The following SUGCT variants were observed in gnomAD, a reference collection of about 807,000 sequenced individuals.
The protein encoded by SUGCT is succinyl-CoA:glutarate CoA-transferase.
SUGCT carries 41 observed loss-of-function variants against 55.0 expected under a neutral mutation model. That is an observed-to-expected ratio of 0.74 (90% CI 0.58 to 0.97). The LOEUF (loss-of-function observed/expected upper bound fraction) is 0.97, where lower values mean the gene tolerates loss of function less well. SUGCT is among the 50% of genes least tolerant of loss of function. SUGCT has a pLI of 0.00. For missense variants in SUGCT, 568 were observed against 547.8 expected (o/e 1.04, Z -0.37); for synonymous variants, 187 against 200.4 (o/e 0.93, Z 0.56).
At chr7:40,480,513 A>G (rs1392065026) in intron 11 of SUGCT, among the ~76,000 whole-genome samples, 1 of 152,130 alleles carries the variant, frequency 6.6e-6, no homozygotes, top group Non-Finnish European at 1.5e-5. Context: ...TCATAGTTCC[A>G]TATAAATACT....
chr7:40,248,910 G>A (rs4720356), intron 7 of SUGCT, among the ~76,000 whole-genome samples: 120,656 of 143,154 alleles, frequency 0.84, 49,651 homozygotes, highest in Non-Finnish European at 0.9. Flanking sequence ...ACACACACAC[G>A]CACACACACA....
chr7:40,842,812 A>G (rs1793342906), intron 13 of SUGCT, among the ~76,000 whole-genome samples: 1 of 152,196 alleles, frequency 6.6e-6, no homozygotes, highest in Admixed American at 6.5e-5. Flanking sequence ...TGGGTAACAT[A>G]CATGCAAGTT....
intron 13 of SUGCT, among the ~76,000 whole-genome samples, chr7:40,835,859 A>T (rs17714442): frequency 0.19 from 28,297 of 151,646 alleles, 3,747 homozygotes; most frequent in East Asian, 0.7. Context: ...ATTTGGAGGA[A>T]ATCATTAGTA....
At chr7:40,666,386 G>GGAAGGAAGGAAGGAAGGAAGGAAGGAAA in intron 12 of SUGCT, among the ~76,000 whole-genome samples, 2 of 141,842 alleles carry the variant, frequency 1.4e-5, no homozygotes, top group African/African-American at 5.2e-5. Flanking sequence ...AAGGAAGGAA[G>GGAAGGAAGGAAGGAAGGAAGGAAGGAAA]GAAGGAAAGA....
chr7:40,862,328 G>A (rs894501785), downstream of SUGCT, among the ~76,000 whole-genome samples: 1 of 152,142 alleles, frequency 6.6e-6, no homozygotes, highest in African/African-American at 2.4e-5. Flanking sequence ...ACCTACGCAA[G>A]TCAAAATGAT....
At chr7:40,833,593 A>G (rs1185406943) in intron 13 of SUGCT, among the ~76,000 whole-genome samples, 15 of 152,250 alleles carry the variant, frequency 9.9e-5, no homozygotes, top group Admixed American at 9.8e-4. Context: ...ATTAAAAATA[A>G]TTAGGTCCTG....
intron 9 of SUGCT, among the ~76,000 whole-genome samples, chr7:40,352,131 C>G (rs112033220): frequency 6.6e-6 from 1 of 152,042 alleles, no homozygotes; most frequent in Admixed American, 6.5e-5. Flanking sequence ...GACCACATCT[C>G]GATCTGTCTG....
chr7:40,466,070 A>G (rs1282247670), intron 11 of SUGCT, among the ~76,000 whole-genome samples: 1 of 151,960 alleles, frequency 6.6e-6, no homozygotes, highest in Non-Finnish European at 1.5e-5. Flanking sequence ...ATTTTTTTTA[A>G]AAAGATAGTT....
chr7:40,276,336 A>G (rs974333713), intron 8 of SUGCT, among the ~76,000 whole-genome samples: 1 of 152,186 alleles, frequency 6.6e-6, no homozygotes, highest in African/African-American at 2.4e-5. Flanking sequence ...AAGCAACTGC[A>G]TAAAAGTTGC....
the SUGCT span, among the ~76,000 whole-genome samples, chr7:40,968,482 G>A: frequency 6.6e-6 from 1 of 152,216 alleles, no homozygotes. Context: ...TCAGTGGACA[G>A]GTCCAGCACT....
At chr7:40,370,577 A>G (rs1337196496) in intron 9 of SUGCT, among the ~76,000 whole-genome samples, 1 of 143,124 alleles carries the variant, frequency 7.0e-6, no homozygotes, top group Admixed American at 7.0e-5. Context: ...AGAGAGAGAG[A>G]AGAGAGAGAG....
intron 12 of SUGCT, among the ~76,000 whole-genome samples, chr7:40,509,917 C>T (rs111746802): frequency 6.6e-6 from 1 of 152,136 alleles, no homozygotes; most frequent in African/African-American, 2.4e-5. Flanking sequence ...TACCCGCAAC[C>T]TGAATGTTCC....
At chr7:40,274,744 C>T (rs1241258506) in intron 8 of SUGCT, 88 bp downstream of exon 8, 5 of 1,229,752 alleles carry the variant, frequency 4.1e-6, no homozygotes, top group Non-Finnish European at 5.9e-6. Flanking sequence ...GTCACATGTA[C>T]AAAAACAATA....
chr7:40,915,187 T>C, the SUGCT span, among the ~76,000 whole-genome samples: 123 of 152,258 alleles, frequency 8.1e-4, no homozygotes, highest in African/African-American at 2.4e-3. Flanking sequence ...AGATGAGTTT[T>C]CTTACCTCAA....
intron 13 of SUGCT, among the ~76,000 whole-genome samples, chr7:40,769,603 A>G (rs1469825469): frequency 2.6e-5 from 4 of 152,220 alleles, no homozygotes; most frequent in African/African-American, 9.6e-5. Context: ...GGCCATCACT[A>G]GAAACTGAAA....
intron 6 of SUGCT, among the ~76,000 whole-genome samples, chr7:40,236,760 T>C (rs571049096): frequency 6.6e-6 from 1 of 152,244 alleles, no homozygotes; most frequent in South Asian, 2.1e-4. Context: ...ATTTATGCCC[T>C]ATGTAGAGGG....
At position 40,325,905 on chromosome 7, in the gene SUGCT, TTTTGTTTG is replaced by T. The variant is rs1235739072; in HGVS notation, c.816+9054_816+9061del. Among the ~76,000 whole-genome samples the T allele has an allele frequency of 7.0e-5, 10 of 141,990 alleles. 1 individual carries two copies. In the East Asian group the frequency reaches 7.9e-4, roughly 11 times the overall value. The allele number at this position is 141,990 out of a possible 152,430, so 93.2% of individuals were successfully genotyped here. ...TGCATCATGGATGTGCGTCTTTTTT[TTTTGTTTG>T]TTTTTGGCAGATTCTAGAATTCTTC... On this transcript the variant is annotated intron_variant, in intron 9 of 13. Transcript: ENST00000335693.
At chr7:40,234,813 G>A (rs969530912) in intron 6 of SUGCT, among the ~76,000 whole-genome samples, 4 of 152,076 alleles carry the variant, frequency 2.6e-5, no homozygotes, top group Non-Finnish European at 5.9e-5. Context: ...GGAGGCTGAG[G>A]GGGGAGAATT....
chr7:40,575,119 C>CGGGGGAGGGGGGGGGGGG (rs1210366162), intron 12 of SUGCT, among the ~76,000 whole-genome samples: 1 of 99,108 alleles, frequency 1.0e-5, no homozygotes, highest in African/African-American at 4.6e-5. Flanking sequence ...AGGAGGGTGG[C>CGGGGGAGGGGGGGGGGGG]GGGGGTGGGG....
Sources: gnomAD v4.1 joint callset for allele counts (sites outside exome capture counted in the v4.1 genomes callset) on GRCh38, gnomAD v4.1.1 for gene constraint, MANE v1.5 for transcripts, NCBI Gene and HGNC (gene_info 2026-07-23, HGNC 2026-07-21) for gene names.